Variants in TMEM132B observed in about 807,000 individuals in gnomAD.
The protein encoded by TMEM132B is transmembrane protein 132B.
A neutral mutation model predicts 90.8 loss-of-function variants in TMEM132B; 18 were observed. The ratio of observed to expected loss-of-function variants is 0.20; its 90% CI spans 0.14 to 0.29. The LOEUF (loss-of-function observed/expected upper bound fraction) is 0.29, where lower values mean the gene tolerates loss of function less well. Ranked by LOEUF, TMEM132B falls within the 10% of genes least tolerant of loss-of-function variation. The probability of loss-of-function intolerance (pLI) is 1.00; values close to 1 mark genes in which losing one functional copy is unlikely to be tolerated. For synonymous variants in TMEM132B, 504 were observed against 523.3 expected, an observed-to-expected ratio of 0.96 and a Z score of 0.50; for missense variants, 1,096 against 1,326.8, an observed-to-expected ratio of 0.83 and a Z score of 2.70.
intron 3 of TMEM132B, among the ~76,000 whole-genome samples, chr12:125,470,458 C>T (rs748663336): frequency 1.3e-5 from 2 of 152,180 alleles, no homozygotes; most frequent in Non-Finnish European, 2.9e-5. Flanking sequence ...GCTCTTGATA[C>T]AACTTTTTAC....
chr12:125,449,699 C>G (rs1881099897), intron 3 of TMEM132B, among the ~76,000 whole-genome samples: 1 of 150,004 alleles, frequency 6.7e-6, no homozygotes, highest in African/African-American at 2.5e-5. Flanking sequence ...TTTGCTTAAA[C>G]AATAGAAATT....
chr12:125,312,139 C>T (rs1324269916), intron 1 of TMEM132B, among the ~76,000 whole-genome samples: 1 of 152,206 alleles, frequency 6.6e-6, no homozygotes, highest in East Asian at 1.9e-4. Flanking sequence ...TCCAGTTTTT[C>T]AAGAGAAGCT....
Position 125,223,664 on chromosome 12 carries a change from C to T in TMEM132B, c.67+36798C>T, listed in dbSNP as rs554380755. 2.0e-4 allele frequency among the ~76,000 whole-genome samples: 31 copies of T among 152,308 alleles called. No homozygotes were observed. In the South Asian group the frequency reaches 4.8e-3, roughly 23 times the overall value. On this transcript the variant is annotated intron_variant, in intron 1 of 8. Transcript: ENST00000682704. ...ACCGTTTAACAGTTACTCTCTGTCC[C>T]GCTACCCCCAGCCCTCGCCAGCCAT...
intron 3 of TMEM132B, among the ~76,000 whole-genome samples, chr12:125,482,668 A>T (rs1376575101): frequency 6.6e-6 from 1 of 152,206 alleles, no homozygotes; most frequent in African/African-American, 2.4e-5. Flanking sequence ...TAGTTCAACC[A>T]TTGTGGAAGA....
At chr12:125,346,159 G>A (rs984386700) in intron 1 of TMEM132B, among the ~76,000 whole-genome samples, 2 of 152,120 alleles carry the variant, frequency 1.3e-5, no homozygotes, top group African/African-American at 4.8e-5. Context: ...TGCTATTTCA[G>A]ATAAAATGGA....
intron 3 of TMEM132B, among the ~76,000 whole-genome samples, chr12:125,419,352 C>G (rs1880109740): frequency 6.6e-6 from 1 of 152,180 alleles, no homozygotes; most frequent in Non-Finnish European, 1.5e-5. Flanking sequence ...ACTCACAGTT[C>G]CACATGGCTG....
intron 1 of TMEM132B, among the ~76,000 whole-genome samples, chr12:125,295,338 G>A (rs75520294): frequency 2.0e-4 from 30 of 152,288 alleles, no homozygotes; most frequent in Non-Finnish European, 3.4e-4. Context: ...GTCTGTGAGC[G>A]TCTCCTATGG....
chr12:125,455,035 G>A (rs200234379), intron 3 of TMEM132B, among the ~76,000 whole-genome samples: 4 of 152,086 alleles, frequency 2.6e-5, no homozygotes, highest in South Asian at 2.1e-4. Flanking sequence ...GAAGAAATAC[G>A]CAGTTTGAGT....
intron 4 of TMEM132B, among the ~76,000 whole-genome samples, chr12:125,576,851 T>G (rs978358139): frequency 6.6e-6 from 1 of 151,944 alleles, no homozygotes; most frequent in Non-Finnish European, 1.5e-5. Flanking sequence ...TTTAAAAAAA[T>G]GTTGCTTGCA....
intron 8 of TMEM132B, among the ~76,000 whole-genome samples, chr12:125,653,152 A>G (rs1482529078): frequency 1.3e-5 from 2 of 152,234 alleles, no homozygotes; most frequent in African/African-American, 4.8e-5. Context: ...CCTTCCAGCC[A>G]GTGCATGTTT....
intron 4 of TMEM132B, among the ~76,000 whole-genome samples, chr12:125,572,152 C>T (rs1245673551): frequency 6.6e-6 from 1 of 152,184 alleles, no homozygotes; most frequent in Non-Finnish European, 1.5e-5. Flanking sequence ...ATCTCCTTTT[C>T]AGGACATACA....
intron 3 of TMEM132B, among the ~76,000 whole-genome samples, chr12:125,517,170 T>C: frequency 7.8e-6 from 1 of 127,646 alleles, no homozygotes; most frequent in East Asian, 1.9e-4. Flanking sequence ...TCTCTCTCTT[T>C]TTTTTTTTTT....
intron 1 of TMEM132B, among the ~76,000 whole-genome samples, chr12:125,217,854 CAGAT>C (rs1193516511): frequency 6.6e-6 from 1 of 152,212 alleles, no homozygotes; most frequent in Non-Finnish European, 1.5e-5. Flanking sequence ...GTTTATCACA[CAGAT>C]AAATTTCCAC....
chr12:125,218,605 A>C (rs1280064677), intron 1 of TMEM132B, among the ~76,000 whole-genome samples: 4 of 152,144 alleles, frequency 2.6e-5, no homozygotes, highest in Non-Finnish European at 5.9e-5. Context: ...GTGGATCAAG[A>C]TTATGAGTAC....
intron 3 of TMEM132B, among the ~76,000 whole-genome samples, chr12:125,515,313 A>G (rs560218288): frequency 4.6e-5 from 7 of 151,560 alleles, no homozygotes; most frequent in Admixed American, 2.0e-4. Flanking sequence ...CACTATTCAC[A>G]TGTTCTCTTA....
intron 3 of TMEM132B, among the ~76,000 whole-genome samples, chr12:125,489,985 A>C (rs553737239): frequency 4.6e-5 from 7 of 152,302 alleles, no homozygotes; most frequent in Middle Eastern, 3.4e-3. Flanking sequence ...CATTTGTAGG[A>C]CACTCTTCAA....
chr12:125,521,246 C>A (rs1350265551), intron 4 of TMEM132B, among the ~76,000 whole-genome samples: 1 of 152,064 alleles, frequency 6.6e-6, no homozygotes, highest in South Asian at 2.1e-4. Context: ...TCCTTCACTT[C>A]CCCTCCTTCT....
intron 5 of TMEM132B, among the ~76,000 whole-genome samples, chr12:125,611,851 T>G (rs548204946): frequency 6.6e-6 from 1 of 152,196 alleles, no homozygotes; most frequent in African/African-American, 2.4e-5. Context: ...AGCATTTTCC[T>G]TGTACACTTA....
At chr12:125,286,797 G>A (rs1323086735) in intron 1 of TMEM132B, among the ~76,000 whole-genome samples, 4 of 152,044 alleles carry the variant, frequency 2.6e-5, no homozygotes, top group East Asian at 1.9e-4. Flanking sequence ...TCTGCCTCCT[G>A]GGTTTAAGTG....
Sources: gnomAD v4.1 joint callset for allele counts (sites outside exome capture counted in the v4.1 genomes callset) on GRCh38, gnomAD v4.1.1 for gene constraint, MANE v1.5 for transcripts, NCBI Gene and HGNC (gene_info 2026-07-23, HGNC 2026-07-21) for gene names.